Variants in TRIM65 observed in about 807,000 individuals in gnomAD.
TRIM65 encodes the protein tripartite motif containing 65.
A neutral mutation model predicts 36.1 loss-of-function variants in TRIM65; 46 were observed. The ratio of observed to expected loss-of-function variants is 1.27; its 90% confidence interval spans 1.01 to 1.63. The LOEUF (loss-of-function observed/expected upper bound fraction) is 1.63, where lower values mean the gene tolerates loss of function less well. Ranked by LOEUF, TRIM65 falls within the 40% of genes most tolerant of loss-of-function variation. The pLI is 0.00. For missense variants in TRIM65, 708 were observed against 696.6 expected, an observed-to-expected ratio of 1.02 and a Z score of -0.18; for synonymous variants, 346 against 313.6, an observed-to-expected ratio of 1.10 and a Z score of -1.09.
Position 75,890,610 on chromosome 17 carries a change from G to A in TRIM65, c.*169C>T, listed in dbSNP as rs770675519. The A allele has an allele frequency of 1.7e-6, 1 of 578,372 alleles. No homozygotes were observed. Among genetic ancestry groups the A allele is most frequent in the Non-Finnish European group, 2.9e-6 (1 of 345,568 alleles). The allele number at this position is 578,372 out of a possible 1,614,324, so 35.8% of individuals were successfully genotyped here. A position where few individuals can be genotyped will look rare whatever the true frequency, so the allele number is the denominator to read the frequency against. The stretch of plus-strand genomic sequence containing the variant: ...CCTAGACTGTGTCCCCTTCAAAAAG[G>A]CTGCAACAGTGAACTCTGCGTTTAT... On this transcript the variant is annotated 3_prime_UTR_variant, in exon 6 of 6. Coordinates refer to ENST00000269383, the MANE Select transcript of TRIM65 (RefSeq NM_173547.4).
At chr17:75,893,624 C>T (rs2065304625) in intron 1 of TRIM65, among the ~76,000 whole-genome samples, 1 of 152,146 alleles carries the variant, frequency 6.6e-6, no homozygotes, top group South Asian at 2.1e-4. Context: ...ACTATCCCCA[C>T]ATCACAGAGG....
chr17:75,884,198 CT>C (rs1253620175), downstream of TRIM65, among the ~76,000 whole-genome samples: 4 of 152,080 alleles, frequency 2.6e-5, no homozygotes, highest in Non-Finnish European at 4.4e-5. Flanking sequence ...TGGCTCGCGC[CT>C]GTAATCCCAG....
At chr17:75,893,977 G>A (rs754657109) in intron 1 of TRIM65, among the ~76,000 whole-genome samples, 2 of 152,148 alleles carry the variant, frequency 1.3e-5, no homozygotes, top group Non-Finnish European at 2.9e-5. Flanking sequence ...CTCCTCGGCG[G>A]CTTCAGCAGC....
intron 1 of TRIM65, among the ~76,000 whole-genome samples, chr17:75,893,208 A>G (rs990869183): frequency 3.3e-5 from 5 of 152,188 alleles, no homozygotes; most frequent in African/African-American, 1.2e-4. Flanking sequence ...GGAAAGCGAT[A>G]ATGCTGGCTC....
rs2065257374 is a variant in TRIM65, at chr17:75,891,051, G to A, written c.1282C>T (p.Gln428Ter). ...TGCCAGGCCTGGAGGCTGTCCTCCT[G>A]GACGCAGAGCCCCCAGGAGCAGGGT... is the stretch of plus-strand genomic sequence containing the variant. ...RGPCSWGLCVQEDSLQAWHNG... is the reference protein window; with the variant it reads ...RGPCSWGLCV Residue 428 changes from glutamine to a stop codon, truncating the protein, a stop_gained, in exon 6 of 6, where the codon CAG (glutamine) becomes TAG (stop). Transcript: ENST00000269383. LOFTEE classifies it low-confidence loss of function (END_TRUNC). The A allele has an allele frequency of 6.2e-7, 1 of 1,612,562 alleles. No homozygotes were observed. Among genetic ancestry groups the A allele is most frequent in the East Asian group, 2.2e-5 (1 of 44,858 alleles).
chr17:75,884,183 C>T (rs942601701), downstream of TRIM65, among the ~76,000 whole-genome samples: 2 of 151,838 alleles, frequency 1.3e-5, no homozygotes, highest in East Asian at 1.9e-4. Context: ...TTAGGTCAGG[C>T]GCGGTGGCTC....
intron 4 of TRIM65, among the ~76,000 whole-genome samples, chr17:75,882,434 C>T (rs2065174405): frequency 6.6e-6 from 1 of 150,596 alleles, no homozygotes; most frequent in Admixed American, 6.6e-5. Context: ...GTCTCAAACC[C>T]CTGACCTCAG....
chr17:75,896,274 C>G (rs1483966430), intron 1 of TRIM65, among the ~76,000 whole-genome samples: 1 of 152,210 alleles, frequency 6.6e-6, no homozygotes, highest in East Asian at 1.9e-4. Flanking sequence ...CCAGGATGGT[C>G]TCGATCTCCT....
intron 1 of TRIM65, among the ~76,000 whole-genome samples, chr17:75,893,733 G>A (rs770969170): frequency 3.2e-4 from 48 of 152,040 alleles, no homozygotes; most frequent in Non-Finnish European, 5.4e-4. Flanking sequence ...ATTTCACACA[G>A]GAACACAGGA....
At chr17:75,895,885 C>G (rs945851455) in intron 1 of TRIM65, among the ~76,000 whole-genome samples, 7 of 152,356 alleles carry the variant, frequency 4.6e-5, no homozygotes, top group African/African-American at 1.7e-4. Context: ...AAAGGAGGCT[C>G]TCGGAGCGCA....
downstream of TRIM65, chr17:75,888,901 T>C (rs1404427383): frequency 3.7e-5 from 3 of 81,912 alleles, no homozygotes; most frequent in African/African-American, 2.0e-4. Context: ...CGTGGGAGGT[T>C]TTTTTTTTTT....
At position 75,896,941 on chromosome 17, in the gene TRIM65, CCGG is replaced by C. The variant is rs552646043; in HGVS notation, c.-7_-5del. The C allele has an allele frequency of 3.3e-5, 49 of 1,488,300 alleles. 1 individual carries two copies. In the African/African-American group the frequency reaches 6.8e-4, roughly 21 times the overall value. 92.2% of individuals were successfully genotyped at this position (1,488,300 alleles called of 1,614,324 possible). On this transcript the variant is annotated 5_prime_UTR_variant, in exon 1 of 6. Transcript: ENST00000269383. ...CCTCCAGCAGCTGCGCGGCCATGGC[CCGG>C]CGGCGGCGAGAGCCAGGCGGGCCCC... is the stretch of plus-strand genomic sequence containing the variant.
At chr17:75,882,581 A>G (rs1397546926) in intron 4 of TRIM65, among the ~76,000 whole-genome samples, 1 of 150,566 alleles carries the variant, frequency 6.6e-6, no homozygotes, top group Non-Finnish European at 1.5e-5. Flanking sequence ...TCACTTCAAA[A>G]TGAATTGTCT....
intron 1 of TRIM65, 106 bp from the exon 2 acceptor site, chr17:75,892,956 C>T: frequency 9.5e-6 from 9 of 946,044 alleles, no homozygotes; most frequent in Non-Finnish European, 1.4e-5. Context: ...CAGCCCCTCC[C>T]CACGCCACCC....
In TRIM65 at chr17:75,896,793, C is replaced by A. The variant is rs377345257; in HGVS notation, c.145G>T (p.Glu49Ter). Residue 49 changes from glutamate to a stop codon, truncating the protein, a stop_gained, in exon 1 of 6, where the codon GAG becomes TAG. Transcript: ENST00000269383. LOFTEE classifies it high-confidence loss of function. ...CCGTCGGGAAAGGGCTCCCGGCACTCGGGGCACGCCTTTCCGCAGCGGTCC... is the reference window on the plus strand; with the variant it reads ...CCGTCGGGAAAGGGCTCCCGGCACTAGGGGCACGCCTTTCCGCAGCGGTCC... Reference protein sequence around the residue: ...WWDRCGKACPECREPFPDGAE... With the variant: ...WWDRCGKACP The A allele has an allele frequency of 4.8e-4, 728 of 1,505,036 alleles. 1 individual carries two copies. Among genetic ancestry groups the A allele is most frequent in the Non-Finnish European group, 6.0e-4 (675 of 1,130,394 alleles). The allele number at this position is 1,505,036 out of a possible 1,614,324, so 93.2% of individuals were successfully genotyped here.
At position 75,891,218 on chromosome 17, in the gene TRIM65, T is replaced by C; in HGVS notation, c.1115A>G (p.Gln372Arg). Residue 372 changes from glutamine (Q) to arginine (R), a missense_variant, in exon 6 of 6, where the codon CAG becomes CGG. Transcript: ENST00000269383. Reference protein sequence around the residue: ...PGGPGSFELWQVQCAQSFQAG... With the variant: ...PGGPGSFELWRVQCAQSFQAG... ...CTGGAAGCTCTGGGCACATTGCACC[T>C]GCCAGAGCTCAAAGCTGCCGGGCCC... 6.2e-7 allele frequency: 1 copy of C among 1,612,582 alleles called. No individual in the cohort carries two copies.
chr17:75,891,735 A>AGG (rs2065269547), intron 5 of TRIM65, 78 bp downstream of exon 5: 2 of 993,914 alleles, frequency 2.0e-6, no homozygotes, highest in Non-Finnish European at 2.7e-6. Flanking sequence ...ATGCACACAC[A>AGG]CACGTGCTCA....
At position 75,896,909 on chromosome 17, in the gene TRIM65, A is replaced by G; in HGVS notation, c.29T>C (p.Leu10Pro). The G allele has an allele frequency of 6.6e-7, 1 of 1,511,550 alleles. No individual in the cohort carries two copies. The highest frequency in any genetic ancestry group is 2.1e-5 in the Admixed American group (1 of 47,512). 93.6% of individuals were successfully genotyped at this position (1,511,550 alleles called of 1,614,324 possible). ...GAGCCCCAGGCAGATGGCGCAGGTCAGCTTCTCCTCCAGCAGCTGCGCGGC... is the reference window on the plus strand; with the variant it reads ...GAGCCCCAGGCAGATGGCGCAGGTCGGCTTCTCCTCCAGCAGCTGCGCGGC... MAAQLLEEK[L>P]TCAICLGLYQ... Residue 10 changes from leucine to proline, a missense_variant, in exon 1 of 6, where the codon CTG becomes CCG. Transcript: ENST00000269383.
intron 1 of TRIM65, among the ~76,000 whole-genome samples, chr17:75,895,347 G>A (rs1485097612): frequency 1.3e-5 from 2 of 152,034 alleles, no homozygotes; most frequent in African/African-American, 4.8e-5. Flanking sequence ...CCCCAGCCAG[G>A]TGATCAGTCT....
Sources: allele counts gnomAD v4.1 joint callset (sites outside exome capture counted in the v4.1 genomes callset), GRCh38; gene constraint gnomAD v4.1.1; transcripts MANE v1.5; gene names NCBI Gene and HGNC (gene_info 2026-07-23, HGNC 2026-07-21).